The following PCDH9 variants were observed in gnomAD, a reference collection of about 807,000 sequenced individuals.
PCDH9 encodes the protein protocadherin 9.
In PCDH9, 24 loss-of-function variants were observed where a neutral mutation model predicts 70.6. The observed-to-expected ratio is 0.34, with a 90% CI of 0.25 to 0.48. The LOEUF is 0.48. PCDH9 is among the 20% of genes least tolerant of loss of function. The pLI is 0.99. For synonymous variants in PCDH9, 562 were observed against 558.5 expected (o/e 1.01, Z -0.09); for missense variants, 1,281 against 1,503.6 (o/e 0.85, Z 2.45).
At chr13:66,727,440 T>A (rs2079020057) in intron 3 of PCDH9, among the ~76,000 whole-genome samples, 1 of 152,104 alleles carries the variant, frequency 6.6e-6, no homozygotes, top group Admixed American at 6.5e-5. Flanking sequence ...CTATGCTTTC[T>A]TTTTCAAAAA....
intron 4 of PCDH9, among the ~76,000 whole-genome samples, chr13:66,536,991 C>T (rs1041167619): frequency 1.3e-5 from 2 of 152,116 alleles, no homozygotes; most frequent in South Asian, 2.1e-4. Flanking sequence ...GGGGGTACAA[C>T]ATGGAATTAT....
chr13:66,640,256 T>G (rs2077691694), intron 3 of PCDH9, among the ~76,000 whole-genome samples: 1 of 152,172 alleles, frequency 6.6e-6, no homozygotes, highest in South Asian at 2.1e-4. Flanking sequence ...CTTGTCAATA[T>G]TTATAACAAA....
intron 4 of PCDH9, among the ~76,000 whole-genome samples, chr13:66,505,259 TA>T (rs1247873559): frequency 2.6e-5 from 4 of 152,150 alleles, no homozygotes; most frequent in African/African-American, 9.7e-5. Context: ...TGGGTATTTA[TA>T]AAAAAGGTTT....
At chr13:66,445,368 A>G (rs1593991017) in intron 4 of PCDH9, among the ~76,000 whole-genome samples, 1 of 147,258 alleles carries the variant, frequency 6.8e-6, no homozygotes, top group East Asian at 2.0e-4. Flanking sequence ...AATGCTATAC[A>G]TATATTTACA....
At chr13:66,397,567 A>T (rs1360702239) in intron 4 of PCDH9, among the ~76,000 whole-genome samples, 2 of 151,592 alleles carry the variant, frequency 1.3e-5, no homozygotes, top group African/African-American at 4.8e-5. Context: ...GTATATATGT[A>T]TACATACACA....
chr13:66,719,467 G>T (rs966624509), intron 3 of PCDH9, among the ~76,000 whole-genome samples: 8 of 152,080 alleles, frequency 5.3e-5, no homozygotes, highest in Non-Finnish European at 1.2e-4. Flanking sequence ...ACCATGTGAG[G>T]ACTCAGTAAC....
intron 3 of PCDH9, among the ~76,000 whole-genome samples, chr13:66,720,548 G>A (rs758988392): frequency 7.9e-5 from 12 of 151,836 alleles, no homozygotes; most frequent in Non-Finnish European, 1.5e-4. Flanking sequence ...AGTACCAGTA[G>A]TTTTTTATAA....
chr13:66,436,987 T>C (rs935945094), intron 4 of PCDH9, among the ~76,000 whole-genome samples: 2 of 151,734 alleles, frequency 1.3e-5, no homozygotes, highest in Non-Finnish European at 1.5e-5. Flanking sequence ...ATTCTCTTTG[T>C]TGTATGTCAA....
intron 3 of PCDH9, among the ~76,000 whole-genome samples, chr13:66,770,261 G>A (rs1395538169): frequency 6.6e-6 from 1 of 152,140 alleles, no homozygotes; most frequent in African/African-American, 2.4e-5. Flanking sequence ...TGGGTACAGT[G>A]TACACTACTC....
chr13:67,131,628 G>GGGGGA (rs1011752403), intron 2 of PCDH9, among the ~76,000 whole-genome samples: 1 of 152,018 alleles, frequency 6.6e-6, no homozygotes, highest in Non-Finnish European at 1.5e-5. Context: ...ATACAATTAT[G>GGGGGA]GGGGAGTGTA....
At chr13:67,154,101 A>G (rs1056318453) in intron 2 of PCDH9, among the ~76,000 whole-genome samples, 5 of 152,202 alleles carry the variant, frequency 3.3e-5, no homozygotes, top group African/African-American at 1.2e-4. Context: ...TTCCTCCTAT[A>G]AGACAAAAAA....
chr13:66,905,201 T>C (rs1372103660), intron 2 of PCDH9, among the ~76,000 whole-genome samples: 1 of 152,044 alleles, frequency 6.6e-6, no homozygotes, highest in Non-Finnish European at 1.5e-5. Context: ...AAAAAAAGCA[T>C]AGACCTTAAA....
intron 4 of PCDH9, among the ~76,000 whole-genome samples, chr13:66,610,690 AT>A (rs1363465126): frequency 6.6e-6 from 1 of 152,184 alleles, no homozygotes; most frequent in Non-Finnish European, 1.5e-5. Context: ...TTCTGTAGCT[AT>A]TTCTTAAGCA....
intron 2 of PCDH9, among the ~76,000 whole-genome samples, chr13:66,970,933 A>G (rs1403185413): frequency 6.6e-6 from 1 of 151,992 alleles, no homozygotes; most frequent in African/African-American, 2.4e-5. Flanking sequence ...ATGGCTGCCT[A>G]TTCAGTCTAA....
chr13:66,698,895 C>CTTTTTTTTTTTTTTTT (rs67333897), intron 3 of PCDH9, among the ~76,000 whole-genome samples: 12 of 61,140 alleles, frequency 2.0e-4, no homozygotes, highest in Non-Finnish European at 2.2e-4. Flanking sequence ...CTCAATTCCT[C>CTTTTTTTTTTTTTTTT]TTTTTTTTTT....
intron 4 of PCDH9, among the ~76,000 whole-genome samples, chr13:66,420,696 C>T (rs1178891996): frequency 6.6e-6 from 1 of 152,022 alleles, no homozygotes; most frequent in Non-Finnish European, 1.5e-5. Flanking sequence ...ACAGCAAAGA[C>T]CAAAAGTAGA....
At chr13:67,032,330 T>C (rs1028888715) in intron 2 of PCDH9, among the ~76,000 whole-genome samples, 1 of 151,930 alleles carries the variant, frequency 6.6e-6, no homozygotes, top group South Asian at 2.1e-4. Context: ...TCTGCCTTTT[T>C]TTTTTGCATT....
chr13:66,588,493 T>C (rs1593736607), intron 4 of PCDH9, among the ~76,000 whole-genome samples: 1 of 1,404 alleles, frequency 7.1e-4, no homozygotes. Context: ...GAGAACGTCA[T>C]ATATATATAT....
intron 2 of PCDH9, among the ~76,000 whole-genome samples, chr13:67,199,018 A>G (rs926603153): frequency 2.0e-5 from 3 of 151,726 alleles, no homozygotes; most frequent in Non-Finnish European, 4.4e-5. Context: ...ACAAGTAATT[A>G]TCACATTAAC....
Sources: gnomAD v4.1 joint callset for allele counts (sites outside exome capture counted in the v4.1 genomes callset) on GRCh38, gnomAD v4.1.1 for gene constraint, MANE v1.5 for transcripts, NCBI Gene and HGNC (gene_info 2026-07-23, HGNC 2026-07-21) for gene names.